The following GRM1 variants were observed in gnomAD, a reference collection of about 807,000 sequenced individuals.
GRM1 encodes the protein metabotropic glutamate receptor 1.
A neutral mutation model predicts 90.9 loss-of-function variants in GRM1; 33 were observed. The observed-to-expected ratio is 0.36, with a 90% confidence interval of 0.28 to 0.49. GRM1 has a LOEUF of 0.49. Ranked by LOEUF, GRM1 falls within the 20% of genes least tolerant of loss-of-function variation. The probability of loss-of-function intolerance (pLI) is 0.99; values close to 1 mark genes in which losing one functional copy is unlikely to be tolerated. For synonymous variants in GRM1, 700 were observed against 613.2 expected (o/e 1.14, Z -2.09); for missense variants, 1,190 against 1,534.3 (o/e 0.78, Z 3.75).
intron 1 of GRM1, among the ~76,000 whole-genome samples, chr6:146,051,199 C>T (rs1426023795): frequency 6.6e-6 from 1 of 152,008 alleles, no homozygotes; most frequent in Non-Finnish European, 1.5e-5. Context: ...AATCTGCAAA[C>T]CAGAGATTAT....
At chr6:146,127,020 T>G (rs1776222643) in intron 1 of GRM1, among the ~76,000 whole-genome samples, 1 of 152,164 alleles carries the variant, frequency 6.6e-6, no homozygotes, top group Non-Finnish European at 1.5e-5. Context: ...TTTCCACAAG[T>G]ACATTGCTAG....
upstream of GRM1, chr6:146,027,754 C>A: frequency 6.6e-6 from 1 of 152,462 alleles, no homozygotes; most frequent in Non-Finnish European, 1.5e-5. Flanking sequence ...CCTCTGGCCC[C>A]GGGACCATAG....
intron 2 of GRM1, among the ~76,000 whole-genome samples, chr6:146,236,331 A>G (rs139845358): frequency 1.2e-4 from 19 of 152,282 alleles, no homozygotes; most frequent in African/African-American, 4.6e-4. Flanking sequence ...TTTCTGTTTT[A>G]GAATGGAGGT....
intron 7 of GRM1, 104 bp from the exon 8 acceptor site, chr6:146,433,768 C>G: frequency 1.2e-6 from 1 of 815,742 alleles, no homozygotes; most frequent in Non-Finnish European, 2.1e-6. Flanking sequence ...ACAGCAGAGA[C>G]AGCAGTTAAA....
chr6:146,253,387 T>TG (rs1414568894), intron 2 of GRM1, among the ~76,000 whole-genome samples: 5 of 152,100 alleles, frequency 3.3e-5, no homozygotes, highest in Admixed American at 6.6e-5. Context: ...GTGCGTGTTT[T>TG]GGGGGGAGAT....
intron 1 of GRM1, among the ~76,000 whole-genome samples, chr6:146,104,568 TG>T (rs1777163145): frequency 6.6e-6 from 1 of 152,146 alleles, no homozygotes; most frequent in South Asian, 2.1e-4. Flanking sequence ...GAGCAGCTAG[TG>T]AACCACTGGA....
At chr6:146,338,740 C>A (rs937442925) in intron 3 of GRM1, among the ~76,000 whole-genome samples, 1 of 152,142 alleles carries the variant, frequency 6.6e-6, no homozygotes, top group Non-Finnish European at 1.5e-5. Flanking sequence ...TATGGGGGTA[C>A]AAGTTATAGA....
intron 2 of GRM1, among the ~76,000 whole-genome samples, chr6:146,195,988 T>C (rs1164596748): frequency 6.6e-6 from 1 of 152,210 alleles, no homozygotes; most frequent in Non-Finnish European, 1.5e-5. Flanking sequence ...GGTGTATGTC[T>C]ACAGTCTTAG....
At chr6:146,324,182 TG>T (rs970371154) in intron 3 of GRM1, among the ~76,000 whole-genome samples, 4 of 152,188 alleles carry the variant, frequency 2.6e-5, no homozygotes, top group African/African-American at 9.6e-5. Flanking sequence ...CCAGCAGCTT[TG>T]TTTACACTGG....
chr6:146,349,239 T>C (rs570786713), intron 3 of GRM1, among the ~76,000 whole-genome samples: 1 of 106,814 alleles, frequency 9.4e-6, no homozygotes. Flanking sequence ...GCTATTTTTT[T>C]TTTTTTATTT....
intron 5 of GRM1, among the ~76,000 whole-genome samples, chr6:146,378,238 G>A (rs555284484): frequency 1.3e-5 from 2 of 152,306 alleles, no homozygotes; most frequent in South Asian, 4.1e-4. Flanking sequence ...TCCCACTGGG[G>A]CACTGCCTAG....
At chr6:146,188,607 A>G (rs2114572939) in intron 2 of GRM1, among the ~76,000 whole-genome samples, 1 of 152,322 alleles carries the variant, frequency 6.6e-6, no homozygotes, top group South Asian at 2.1e-4. Context: ...AACATGCCCA[A>G]TTATTAAGTA....
At chr6:146,427,488 C>T (rs544367133) in intron 7 of GRM1, among the ~76,000 whole-genome samples, 3 of 152,122 alleles carry the variant, frequency 2.0e-5, no homozygotes, top group Non-Finnish European at 4.4e-5. Flanking sequence ...TTGAATAGCT[C>T]TTCAGATGAG....
chr6:146,355,708 G>T (rs2115049553), intron 4 of GRM1, among the ~76,000 whole-genome samples: 1 of 152,300 alleles, frequency 6.6e-6, no homozygotes, highest in East Asian at 1.9e-4. Flanking sequence ...ACAGCCAATA[G>T]ATTTCAGATG....
chr6:146,129,706 G>C (rs1016827676), intron 1 of GRM1, among the ~76,000 whole-genome samples: 1 of 152,118 alleles, frequency 6.6e-6, no homozygotes, highest in African/African-American at 2.4e-5. Context: ...CCAAACTCTA[G>C]CCTGGGTCTG....
chr6:146,416,619 T>G (rs1338933652), intron 7 of GRM1, among the ~76,000 whole-genome samples: 1 of 152,228 alleles, frequency 6.6e-6, no homozygotes, highest in East Asian at 1.9e-4. Context: ...AATATCTATG[T>G]ATCCCCATAT....
intron 1 of GRM1, among the ~76,000 whole-genome samples, chr6:146,058,532 A>T (rs957894199): frequency 1.3e-5 from 2 of 152,084 alleles, no homozygotes; most frequent in African/African-American, 4.8e-5. Context: ...CTTGATGTTG[A>T]TGGCTGCTGA....
chr6:146,222,790 A>G (rs1484796596), intron 2 of GRM1, among the ~76,000 whole-genome samples: 1 of 152,122 alleles, frequency 6.6e-6, no homozygotes, highest in East Asian at 1.9e-4. Context: ...AAAATTAATC[A>G]TCACAAAAAC....
chr6:146,399,382 C>T lies in GRM1; in HGVS notation c.2343C>T (p.Phe781=). The change falls in exon 7 of 8, where the codon TTC becomes TTT. Residue 781 remains phenylalanine, a synonymous_variant. Transcript: ENST00000282753. The surrounding 1 kb of genome is among the most constrained non-coding windows in gnomAD (Gnocchi z 5.4). ...AGACCCGCAACGTGCCCGCCAACTTCAACGAGGCCAAATATATCGCGTTCA... is the reference window on the plus strand; with the variant it reads ...AGACCCGCAACGTGCCCGCCAACTTTAACGAGGCCAAATATATCGCGTTCA... ...AFKTRNVPAN[F]NEAKYIAFTM... is the part of the protein sequence containing the mutation. The T allele has an allele frequency of 6.2e-7, 1 of 1,614,186 alleles. No homozygotes were observed. Among genetic ancestry groups the T allele is most frequent in the Admixed American group, 1.7e-5 (1 of 60,028 alleles).
Sources: allele counts gnomAD v4.1 joint callset (sites outside exome capture counted in the v4.1 genomes callset), GRCh38; gene constraint gnomAD v4.1.1; non-coding constraint Gnocchi (gnomAD v3.1); transcripts MANE v1.5; gene names NCBI Gene and HGNC (gene_info 2026-07-23, HGNC 2026-07-21).